NCAPG: variants seen among roughly 807,000 people sequenced by gnomAD.
The protein encoded by NCAPG is condensin complex subunit 3.
Under a neutral mutation model 113.1 loss-of-function variants are expected in NCAPG, and 69 were observed. The ratio of observed to expected loss-of-function variants is 0.61; its 90% confidence interval spans 0.50 to 0.75. NCAPG has a LOEUF of 0.75. Ranked by LOEUF, NCAPG falls within the 30% of genes least tolerant of loss-of-function variation. The pLI is 0.00. For missense variants in NCAPG, 1,058 were observed against 1,177.0 expected (o/e 0.90, Z 1.48); for synonymous variants, 370 against 415.8 (o/e 0.89, Z 1.34).
rs374375288 is a variant in NCAPG at position 17,840,593 on chromosome 4, A to G, written c.2768-14A>G. 6.3e-5 allele frequency: 87 copies of G among 1,376,072 alleles called. No individual in the cohort carries two copies. In the Middle Eastern group the frequency reaches 3.7e-3, roughly 59 times the overall value. The allele number at this position is 1,376,072 out of a possible 1,614,324, so 85.2% of individuals were successfully genotyped here. On this transcript the variant is annotated splice_polypyrimidine_tract_variant and intron_variant, in intron 18 of 20. Coordinates refer to ENST00000251496, the MANE Select transcript of NCAPG (RefSeq NM_022346.5). ...GTTATCTTATTTATATTGTTGTATT[A>G]TTCCCTTTAATAGAAAAGAATAAAG...
At chr4:17,815,507 A>C (rs1721164517) in intron 5 of NCAPG, 149 bp downstream of exon 5, 1 of 590,112 alleles carries the variant, frequency 1.7e-6, no homozygotes, top group Non-Finnish European at 2.9e-6. Context: ...TATATAGAAA[A>C]CACAGGGCTA....
At chr4:17,828,962 G>A (rs1721765976) in intron 12 of NCAPG, among the ~76,000 whole-genome samples, 1 of 150,734 alleles carries the variant, frequency 6.6e-6, no homozygotes, top group African/African-American at 2.4e-5. Flanking sequence ...AAAAAAAAGA[G>A]GATAATTTTA....
chr4:17,840,097 A>G lies in NCAPG; in HGVS notation c.2655A>G (p.Arg885=). Residue 885 remains arginine, a synonymous_variant, in exon 18 of 21, where the codon AGA becomes AGG. Coordinates refer to ENST00000251496, the MANE Select transcript of NCAPG (RefSeq NM_022346.5). Reference sequence around the variant, plus strand: ...AAGTAAAAGATAGGACATGTCTGAGAGCTTTGGAGAAAATCAAGATTCAGT... The same window carrying G: ...AAGTAAAAGATAGGACATGTCTGAGGGCTTTGGAGAAAATCAAGATTCAGT... ...LEQVKDRTCL[R]ALEKIKIQLE... The G allele has an allele frequency of 6.2e-7, 1 of 1,610,324 alleles. No homozygotes were observed. Among genetic ancestry groups the G allele is most frequent in the Non-Finnish European group, 8.5e-7 (1 of 1,178,534 alleles).
rs1372270740 is a variant in NCAPG, at chr4:17,819,090, C to CT, written c.1118+1011dup. On this transcript the variant is annotated intron_variant, in intron 7 of 20. Transcript: ENST00000251496. Reference sequence around the variant, plus strand: ...TTAAAAATATAACACTGTGTATATACTTTTTTTTTCAACTGATAACTGAGA... The same window carrying CT: ...TTAAAAATATAACACTGTGTATATACTTTTTTTTTTCAACTGATAACTGAGA... Among the ~76,000 whole-genome samples, 4 of 151,104 alleles carry CT rather than the reference C, an allele frequency of 2.6e-5. No individual in the cohort carries two copies. The South Asian group carries it at 6.3e-4, about 24-fold the overall frequency.
rs1004934237 is a variant in NCAPG, at chr4:17,843,669, C to CATT, written c.*245_*247dup. The CATT allele has an allele frequency of 9.8e-6, 3 of 304,614 alleles. No individual in the cohort carries two copies. The highest frequency in any genetic ancestry group is 6.3e-5 in the African/African-American group (3 of 47,278). The allele number at this position is 304,614 out of a possible 1,614,324, so 18.9% of individuals were successfully genotyped here. On this transcript the variant is annotated 3_prime_UTR_variant, in exon 21 of 21. Transcript: ENST00000251496. ...CAATCTGAGGTGGGCCTAGGAATCT[C>CATT]ATTTTTAAATAGTCTCTCCAAGTGA... is the stretch of plus-strand genomic sequence containing the variant.
At chr4:17,833,397 TG>T (rs1349351721) in intron 13 of NCAPG, among the ~76,000 whole-genome samples, 3 of 151,492 alleles carry the variant, frequency 2.0e-5, no homozygotes, top group Non-Finnish European at 4.4e-5. Context: ...AGGTGGAGGT[TG>T]CAGTGAGCTG....
intron 11 of NCAPG, among the ~76,000 whole-genome samples, chr4:17,826,135 G>C (rs925247584): frequency 1.3e-5 from 2 of 152,062 alleles, no homozygotes; most frequent in Admixed American, 6.6e-5. Flanking sequence ...CTTAAATGGA[G>C]TATGTCTTTC....
At chr4:17,813,225 C>A in intron 3 of NCAPG, 80 bp downstream of exon 3, 2 of 1,175,696 alleles carry the variant, frequency 1.7e-6, no homozygotes, top group South Asian at 1.5e-5. Context: ...TTATTATGGT[C>A]TATACATTTG....
chr4:17,842,643 ACTC>A (rs1481161590), intron 20 of NCAPG: 2 of 327,438 alleles, frequency 6.1e-6, no homozygotes, highest in South Asian at 4.2e-5. Context: ...ACATGATGTG[ACTC>A]CTCTTTGATC....
intron 14 of NCAPG, 41 bp from the exon 15 acceptor site, chr4:17,837,118 G>C (rs766435456): frequency 1.3e-5 from 20 of 1,576,668 alleles, no homozygotes; most frequent in Non-Finnish European, 1.7e-5. Flanking sequence ...TTAAAAAGGA[G>C]ATACAAATAA....
At position 17,811,176 on chromosome 4, in the gene NCAPG, C is replaced by T. The variant is rs976698062; in HGVS notation, c.99C>T (p.Arg33=). Residue 33 remains arginine, a synonymous_variant, in exon 1 of 21, where the codon CGC becomes CGT. Transcript: ENST00000251496. This position sits in a 1 kb window ranked among gnomAD's most constrained non-coding sequence, Gnocchi z 5.3. ...CGAAGCTGGTGGTGGCGCTGAGCCG[C>T]ACCTACCGCACGGTAAGCGCTCCCG... ...NQAKLVVALS[R]TYRTMDDKTV... 37 of 1,486,590 alleles carry T rather than the reference C, an allele frequency of 2.5e-5. No individual in the cohort carries two copies. In the Admixed American group the frequency reaches 3.7e-4, roughly 15 times the overall value. 92.1% of individuals were successfully genotyped at this position (1,486,590 alleles called of 1,614,324 possible). A position where few individuals can be genotyped will look rare whatever the true frequency, so the allele number is the denominator to read the frequency against.
At chr4:17,839,998 T>C (rs1157564081) in intron 17 of NCAPG, 73 bp from the exon 18 acceptor site, 1 of 1,510,464 alleles carries the variant, frequency 6.6e-7, no homozygotes, top group African/African-American at 1.4e-5. Context: ...AACAACTTGA[T>C]ATGTATTGGT....
rs1033202170 is a variant in NCAPG at position 17,839,626 on chromosome 4, A to G, written c.2467-50A>G. On this transcript the variant is annotated intron_variant, in intron 16 of 20. Transcript: ENST00000251496. Reference sequence around the variant, plus strand: ...TTTGTTAGATGTGTAAGACTATATAATAATCATAATCATCTTCAATTTACA... The same window carrying G: ...TTTGTTAGATGTGTAAGACTATATAGTAATCATAATCATCTTCAATTTACA... The G allele has an allele frequency of 3.2e-6, 4 of 1,263,280 alleles. No individual in the cohort carries two copies. In the African/African-American group the frequency reaches 4.7e-5, roughly 15 times the overall value. The allele number at this position is 1,263,280 out of a possible 1,614,324, so 78.3% of individuals were successfully genotyped here. A position where few individuals can be genotyped will look rare whatever the true frequency, so the allele number is the denominator to read the frequency against.
At chr4:17,830,553 CTTT>C (rs770223582) in intron 12 of NCAPG, among the ~76,000 whole-genome samples, 6 of 137,288 alleles carry the variant, frequency 4.4e-5, no homozygotes, top group Non-Finnish European at 6.3e-5. Context: ...ACTAGTTTCA[CTTT>C]TTTTTTTTTT....
intron 5 of NCAPG, among the ~76,000 whole-genome samples, chr4:17,816,741 A>G (rs1008588151): frequency 2.6e-5 from 4 of 152,220 alleles, no homozygotes; most frequent in African/African-American, 9.6e-5. Flanking sequence ...ATATTTTTGT[A>G]GGCTGTGGTA....
intron 5 of NCAPG, among the ~76,000 whole-genome samples, chr4:17,816,657 G>A (rs938121545): frequency 3.9e-5 from 6 of 152,146 alleles, no homozygotes; most frequent in Non-Finnish European, 8.8e-5. Flanking sequence ...CAGATAACAA[G>A]TGAGATAATA....
rs148727405 is a variant in NCAPG at position 17,818,216 on chromosome 4, T to C, written c.1118+128T>C. The C allele has an allele frequency of 1.3e-5, 12 of 917,296 alleles. No homozygotes were observed. The African/African-American group carries it at 1.5e-4, about 12-fold the overall frequency. 56.8% of individuals were successfully genotyped at this position (917,296 alleles called of 1,614,324 possible). ...AATCCTTTTTTTGTACATGTAGGGA[T>C]AGTTATATACATCGAGTCTTTTTGA... is the stretch of plus-strand genomic sequence containing the variant. On this transcript the variant is annotated intron_variant, in intron 7 of 20. Transcript: ENST00000251496.
At chr4:17,820,939 C>G (rs1038739640) in intron 7 of NCAPG, among the ~76,000 whole-genome samples, 1 of 152,186 alleles carries the variant, frequency 6.6e-6, no homozygotes, top group South Asian at 2.1e-4. Flanking sequence ...TTGTTGAAAG[C>G]CATCTTAAAT....
At chr4:17,830,748 T>C (rs1212566649) in intron 12 of NCAPG, among the ~76,000 whole-genome samples, 1 of 152,148 alleles carries the variant, frequency 6.6e-6, no homozygotes, top group Admixed American at 6.5e-5. Context: ...GAATAGTATA[T>C]ATCATGTTAA....
Sources: allele counts gnomAD v4.1 joint callset (sites outside exome capture counted in the v4.1 genomes callset), GRCh38; gene constraint gnomAD v4.1.1; non-coding constraint Gnocchi (gnomAD v3.1); transcripts MANE v1.5; gene names NCBI Gene and HGNC (gene_info 2026-07-23, HGNC 2026-07-21).